Variants in TIMM8B observed in about 807,000 individuals in gnomAD.
TIMM8B encodes the protein translocase of inner mitochondrial membrane 8 homolog B.
In TIMM8B, 5 loss-of-function variants were observed where a neutral mutation model predicts 8.5. The observed-to-expected ratio is 0.59, with a 90% CI of 0.31 to 1.24. TIMM8B has a LOEUF of 1.24. TIMM8B is among the 50% of genes most tolerant of loss of function. The probability of loss-of-function intolerance (pLI) is 0.07; values close to 1 mark genes in which losing one functional copy is unlikely to be tolerated. For synonymous variants in TIMM8B, 44 were observed against 39.9 expected, an observed-to-expected ratio of 1.10 and a Z score of -0.39; for missense variants, 104 against 109.2, an observed-to-expected ratio of 0.95 and a Z score of 0.21.
chr11:112,085,600 T>C, intron 1 of TIMM8B, 138 bp from the exon 2 acceptor site: 1 of 671,166 alleles, frequency 1.5e-6, no homozygotes. Flanking sequence ...TTCTCTTTCT[T>C]CATTTCCTAA....
chr11:112,085,273 T>C lies in TIMM8B; in HGVS notation c.*22A>G, dbSNP rs1436160140. ...TGCTTAGTAACAAGTCCTTTGCTTC[T>C]GTCATTCTCCTGGGGGATGGCCTAC... On this transcript the variant is annotated 3_prime_UTR_variant, in exon 2 of 2. Transcript: ENST00000504148. 3.1e-6 allele frequency: 5 copies of C among 1,595,100 alleles called. No individual in the cohort carries two copies. The highest frequency in any genetic ancestry group is 2.3e-4 in the Middle Eastern group (1 of 4,412).
chr11:112,085,142 C>G lies in TIMM8B; in HGVS notation c.*153G>C, dbSNP rs978069166. The G allele has an allele frequency of 1.9e-6, 1 of 522,628 alleles. No individual in the cohort carries two copies. The highest frequency in any genetic ancestry group is 3.1e-5 in the East Asian group (1 of 32,504). 32.4% of individuals were successfully genotyped at this position (522,628 alleles called of 1,614,324 possible). On this transcript the variant is annotated 3_prime_UTR_variant, in exon 2 of 2. Transcript: ENST00000504148. ...CTGAATTCCAAATAAATAAATTTCA[C>G]TCTTTGAACATTTCATCTTTTACTT...
intron 1 of TIMM8B, chr11:112,085,924 G>C (rs1011825806): frequency 1.2e-6 from 1 of 854,814 alleles, no homozygotes; most frequent in Non-Finnish European, 1.5e-6. Context: ...CTGGTCATCC[G>C]AGCACCCTCT....
chr11:112,086,621 A>G lies in TIMM8B; in HGVS notation c.84+19T>C. The G allele has an allele frequency of 6.4e-7, 1 of 1,573,400 alleles. No homozygotes were observed. Among genetic ancestry groups the G allele is most frequent in the Non-Finnish European group, 8.6e-7 (1 of 1,165,010 alleles). ...GGAAGGTGAAACTTCCTTTCCCTTC[A>G]CCCTCCCCGTCCCCGCACCTGTGCA... On this transcript the variant is annotated intron_variant, in intron 1 of 1. Transcript: ENST00000504148.
At position 112,084,855 on chromosome 11, in the gene TIMM8B, A is replaced by C. The variant is rs1487897530; in HGVS notation, c.*440T>G. ...TTTCTTGGTCATGTATAAGCAATAA[A>C]GCTGTTTTTTGTTCTTCATCTTTCT... On this transcript the variant is annotated 3_prime_UTR_variant, in exon 2 of 2. Transcript: ENST00000504148. The C allele has an allele frequency of 6.7e-6, 1 of 148,566 alleles. No homozygotes were observed. Among genetic ancestry groups the C allele is most frequent in the Admixed American group, 6.9e-5 (1 of 14,392 alleles). 9.2% of individuals were successfully genotyped at this position (148,566 alleles called of 1,614,324 possible).
rs774241163 is a variant in TIMM8B, at chr11:112,086,611, C to T, written c.84+29G>A. 7.1e-6 allele frequency: 11 copies of T among 1,553,890 alleles called. No individual in the cohort carries two copies. In the East Asian group the frequency reaches 1.8e-4, roughly 26 times the overall value. On this transcript the variant is annotated intron_variant, in intron 1 of 1. Transcript: ENST00000504148. ...GGACCACCAAGGAAGGTGAAACTTC[C>T]TTTCCCTTCACCCTCCCCGTCCCCG...
chr11:112,085,845 C>G, intron 1 of TIMM8B: 3 of 268,290 alleles, frequency 1.1e-5, no homozygotes, highest in Non-Finnish European at 1.9e-5. Context: ...AATGCACATA[C>G]AGGCACAGAA....
Position 112,084,902 on chromosome 11 carries a change from G to C in TIMM8B, c.*393C>G, listed in dbSNP as rs1034795420. On this transcript the variant is annotated 3_prime_UTR_variant, in exon 2 of 2. Transcript: ENST00000504148. Reference sequence around the variant, plus strand: ...TTCTTAACCCCAAATTTTCTTCTATGCCTTAGGCTTCGATGGTTCTTCCAA... The same window carrying C: ...TTCTTAACCCCAAATTTTCTTCTATCCCTTAGGCTTCGATGGTTCTTCCAA... The C allele has an allele frequency of 3.6e-5, 5 of 140,208 alleles. No homozygotes were observed. Among genetic ancestry groups the C allele is most frequent in the African/African-American group, 1.4e-4 (5 of 36,086 alleles). 8.7% of individuals were successfully genotyped at this position (140,208 alleles called of 1,614,324 possible). A position where few individuals can be genotyped will look rare whatever the true frequency, so the allele number is the denominator to read the frequency against.
chr11:112,085,366 C>T lies in TIMM8B; in HGVS notation c.181G>A (p.Asp61Asn), dbSNP rs746681302. 2.5e-6 allele frequency: 4 copies of T among 1,613,790 alleles called. No individual in the cohort carries two copies. In the South Asian group the frequency reaches 4.4e-5, roughly 18 times the overall value. Residue 61 changes from aspartate to asparagine, a missense_variant, in exon 2 of 2, where the codon GAC becomes AAC. Physicochemically the swap from Asp to Asn is conservative, Grantham distance 23. Transcript: ENST00000504148. Reference sequence around the variant, plus strand: ...GCAAGAGTGGTGTCAATGAAGCGGTCTACACAGCTGGAGAGACAATTTTCA... The same window carrying T: ...GCAAGAGTGGTGTCAATGAAGCGGTTTACACAGCTGGAGAGACAATTTTCA... ...RTENCLSSCV[D>N]RFIDTTLAIT...
At chr11:112,086,367 T>C in intron 1 of TIMM8B, 7 of 626,826 alleles carry the variant, frequency 1.1e-5, no homozygotes, top group South Asian at 9.1e-5. Context: ...AGCCCAGTCA[T>C]GTCGCCGGCT....
Position 112,085,558 on chromosome 11 carries a change from C to G in TIMM8B, c.85-96G>C, listed in dbSNP as rs1056179240. 3 of 1,058,396 alleles carry G rather than the reference C, an allele frequency of 2.8e-6. No individual in the cohort carries two copies. The Admixed American group carries it at 7.8e-5, about 28-fold the overall frequency. The allele number at this position is 1,058,396 out of a possible 1,614,324, so 65.6% of individuals were successfully genotyped here. ...CTTTTTGACACCTGACAAAACCATT[C>G]TTTAAATCAACCACGGAGTCACTTT... is the stretch of plus-strand genomic sequence containing the variant. On this transcript the variant is annotated intron_variant, in intron 1 of 1. Transcript: ENST00000504148.
rs1177779786 is a variant in TIMM8B at position 112,085,010 on chromosome 11, TG to T, written c.*284del. On this transcript the variant is annotated 3_prime_UTR_variant, in exon 2 of 2. Coordinates refer to ENST00000504148, the MANE Select transcript of TIMM8B (RefSeq NM_012459.4). Reference sequence around the variant, plus strand: ...CTGGCCATGGAACATTTATTTCTAGTGTTCCTGCCAATCAGAGATCTCTATA... The same window carrying T: ...CTGGCCATGGAACATTTATTTCTAGTTTCCTGCCAATCAGAGATCTCTATA... 1 of 255,846 alleles carries T rather than the reference TG, an allele frequency of 3.9e-6. No homozygotes were observed. Among genetic ancestry groups the T allele is most frequent in the Non-Finnish European group, 7.4e-6 (1 of 134,524 alleles). The allele number at this position is 255,846 out of a possible 1,614,324, so 15.8% of individuals were successfully genotyped here. A position where few individuals can be genotyped will look rare whatever the true frequency, so the allele number is the denominator to read the frequency against.
intron 1 of TIMM8B, among the ~76,000 whole-genome samples, 171 bp from the exon 2 acceptor site, chr11:112,085,633 A>G (rs1235461634): frequency 6.6e-6 from 1 of 152,140 alleles, no homozygotes; most frequent in Non-Finnish European, 1.5e-5. Context: ...ATTGATCCAG[A>G]TCCTCGTCCC....
chr11:112,085,631 A>G (rs1865579410), intron 1 of TIMM8B, among the ~76,000 whole-genome samples, 169 bp from the exon 2 acceptor site: 1 of 152,196 alleles, frequency 6.6e-6, no homozygotes, highest in African/African-American at 2.4e-5. Flanking sequence ...ATATTGATCC[A>G]GATCCTCGTC....
chr11:112,086,252 G>T (rs970601227), intron 1 of TIMM8B: 2 of 496,564 alleles, frequency 4.0e-6, no homozygotes, highest in Non-Finnish European at 7.7e-6. Flanking sequence ...GTGAGGCAGT[G>T]GGGTGACGGC....
intron 1 of TIMM8B, among the ~76,000 whole-genome samples, 164 bp downstream of exon 1, chr11:112,086,476 C>T (rs1434874550): frequency 1.3e-5 from 2 of 152,170 alleles, no homozygotes; most frequent in Admixed American, 6.5e-5. Context: ...TGAGCACTAC[C>T]GGTCACCAGG....
chr11:112,086,455 T>C, intron 1 of TIMM8B, 185 bp downstream of exon 1: 1 of 921,538 alleles, frequency 1.1e-6, no homozygotes, highest in Non-Finnish European at 1.7e-6. Context: ...TACGCTTATA[T>C]ACCTGGCACC....
chr11:112,085,187 A>G lies in TIMM8B; in HGVS notation c.*108T>C, dbSNP rs548554081. On this transcript the variant is annotated 3_prime_UTR_variant, in exon 2 of 2. Transcript: ENST00000504148. ...TTACTTTTTAGCACCAACAGACTTGATAACAGCCTGATGCTGATCTGACAA... is the reference window on the plus strand; with the variant it reads ...TTACTTTTTAGCACCAACAGACTTGGTAACAGCCTGATGCTGATCTGACAA... 2.9e-4 allele frequency: 243 copies of G among 826,280 alleles called. 1 individual carries two copies. The highest frequency in any genetic ancestry group is 1.9e-3 in the Middle Eastern group (5 of 2,578). The allele number at this position is 826,280 out of a possible 1,614,324, so 51.2% of individuals were successfully genotyped here.
At position 112,085,144 on chromosome 11, in the gene TIMM8B, CTT is replaced by C. The variant is rs1001883229; in HGVS notation, c.*149_*150del. The C allele has an allele frequency of 1.0e-4, 55 of 532,854 alleles. No individual in the cohort carries two copies. The Middle Eastern group carries it at 3.6e-3, about 34-fold the overall frequency. 33.0% of individuals were successfully genotyped at this position (532,854 alleles called of 1,614,324 possible). A position where few individuals can be genotyped will look rare whatever the true frequency, so the allele number is the denominator to read the frequency against. On this transcript the variant is annotated 3_prime_UTR_variant, in exon 2 of 2. Coordinates refer to ENST00000504148, the MANE Select transcript of TIMM8B (RefSeq NM_012459.4). ...GAATTCCAAATAAATAAATTTCACT[CTT>C]TGAACATTTCATCTTTTACTTTTTA...
Sources: allele counts gnomAD v4.1 joint callset (sites outside exome capture counted in the v4.1 genomes callset), GRCh38; gene constraint gnomAD v4.1.1; transcripts MANE v1.5; gene names NCBI Gene and HGNC (gene_info 2026-07-23, HGNC 2026-07-21).